The following REG4 variants were observed in gnomAD, a reference collection of about 807,000 sequenced individuals.
REG4 encodes regenerating family member 4.
REG4 carries 16 observed loss-of-function variants against 22.3 expected under a neutral mutation model. The observed-to-expected ratio is 0.72, with a 90% CI of 0.49 to 1.09. The LOEUF (loss-of-function observed/expected upper bound fraction) is 1.09. Among genes scored for constraint, REG4 ranks in the 50% least tolerant of loss-of-function variants. The pLI, the probability that REG4 is intolerant of heterozygous loss-of-function variation, is 0.00. For synonymous variants in REG4, 71 were observed against 69.2 expected, an observed-to-expected ratio of 1.03 and a Z score of -0.13; for missense variants, 214 against 193.9, an observed-to-expected ratio of 1.10 and a Z score of -0.61.
At chr1:119,802,584 A>G (rs2101070533) in intron 3 of REG4, 1 of 1,199,428 alleles carries the variant, frequency 8.3e-7, no homozygotes, top group South Asian at 4.0e-5. Context: ...AATAAAATGG[A>G]CAGGTTTGTG....
chr1:119,806,315 T>G (rs928820420), intron 2 of REG4, among the ~76,000 whole-genome samples: 4 of 152,150 alleles, frequency 2.6e-5, no homozygotes, highest in African/African-American at 9.7e-5. Context: ...ATTCTAATCA[T>G]CTTCATAATA....
At chr1:119,806,727 C>G (rs587709033) in intron 2 of REG4, among the ~76,000 whole-genome samples, 2 of 152,202 alleles carry the variant, frequency 1.3e-5, no homozygotes, top group Middle Eastern at 3.4e-3. Context: ...TGCTAGAGCT[C>G]GTCATCTCTA....
rs587757651 is a variant in REG4 at position 119,810,979 on chromosome 1, G to A, written c.-95+430C>T. 5.9e-5 allele frequency among the ~76,000 whole-genome samples: 9 copies of A among 152,268 alleles called. No homozygotes were observed. The South Asian group carries it at 1.7e-3, about 28-fold the overall frequency. On this transcript the variant is annotated intron_variant, in intron 1 of 5. Coordinates refer to ENST00000256585, the MANE Select transcript of REG4 (RefSeq NM_032044.4). The stretch of plus-strand genomic sequence containing the variant: ...TGAGGCAGGAGAATCACTTGAACCT[G>A]GGAGGCAGAAGTTGCAGTGAGCCAA...
At chr1:119,807,889 A>G (rs916321054) in intron 2 of REG4, among the ~76,000 whole-genome samples, 1 of 152,178 alleles carries the variant, frequency 6.6e-6, no homozygotes, top group African/African-American at 2.4e-5. Context: ...AGTAACAGAT[A>G]GCACTGGTCC....
rs1224423137 is a variant in REG4 at position 119,803,111 on chromosome 1, C to A, written c.122G>T (p.Cys41Phe). 2.6e-6 allele frequency: 4 copies of A among 1,553,408 alleles called. No homozygotes were observed. In the South Asian group the frequency reaches 5.1e-5, roughly 20 times the overall value. The change falls in exon 3 of 6, where the codon TGC becomes TTC. Residue 41 changes from cysteine (C) to phenylalanine (F), a missense_variant. Transcript: ENST00000256585. The stretch of plus-strand genomic sequence containing the variant: ...CCTCAGCTTCCTGAAGTAACCATAG[C>A]AATTGGACTTGTGGTAAAACCATCC... ...APGWFYHKSN[C>F]YGYFRKLRNW...
chr1:119,803,800 T>C (rs1246011912), intron 2 of REG4, among the ~76,000 whole-genome samples: 2 of 152,150 alleles, frequency 1.3e-5, no homozygotes, highest in Admixed American at 1.3e-4. Context: ...GACTGGAACT[T>C]GAGCATAGGT....
intron 1 of REG4, 46 bp downstream of exon 1, chr1:119,811,363 A>G (rs991694610): frequency 6.6e-6 from 1 of 152,218 alleles, no homozygotes; most frequent in African/African-American, 2.4e-5. Context: ...AGAGGAAAAC[A>G]GATGTTTAAA....
At chr1:119,800,659 A>G (rs1654073192) in intron 3 of REG4, among the ~76,000 whole-genome samples, 1 of 152,220 alleles carries the variant, frequency 6.6e-6, no homozygotes, top group African/African-American at 2.4e-5. Flanking sequence ...CACACTGTAA[A>G]TTGTAAACAG....
chr1:119,805,402 C>T (rs1301238849), intron 2 of REG4, among the ~76,000 whole-genome samples: 1 of 152,162 alleles, frequency 6.6e-6, no homozygotes, highest in Non-Finnish European at 1.5e-5. Context: ...ACACCTGGTG[C>T]TCCTGGTTTG....
chr1:119,803,930 A>G (rs969801372), intron 2 of REG4, among the ~76,000 whole-genome samples: 1 of 152,226 alleles, frequency 6.6e-6, no homozygotes, highest in Non-Finnish European at 1.5e-5. Context: ...CTGTCAGGCA[A>G]CCATGGCAGA....
At chr1:119,808,580 C>G (rs1654397225) in intron 2 of REG4, 123 bp downstream of exon 2, 1 of 669,290 alleles carries the variant, frequency 1.5e-6, no homozygotes, top group Non-Finnish European at 2.6e-6. Context: ...TTTTTCATCT[C>G]CATGTTTAAA....
chr1:119,795,170 C>T (rs963871467), intron 5 of REG4, among the ~76,000 whole-genome samples: 5 of 152,176 alleles, frequency 3.3e-5, no homozygotes, highest in East Asian at 1.9e-4. Context: ...CCTGGAGAAC[C>T]GTAATACAGA....
chr1:119,797,072 T>A (rs1234812656), intron 5 of REG4, among the ~76,000 whole-genome samples: 1 of 152,224 alleles, frequency 6.6e-6, no homozygotes, highest in African/African-American at 2.4e-5. Context: ...GCCTCGCTTC[T>A]AACACTTAAT....
At chr1:119,798,893 A>G (rs1654012767) in intron 4 of REG4, among the ~76,000 whole-genome samples, 1 of 152,214 alleles carries the variant, frequency 6.6e-6, no homozygotes, top group African/African-American at 2.4e-5. Context: ...CTGATAGTCA[A>G]ATAAATGACA....
intron 1 of REG4, 194 bp from the exon 2 acceptor site, chr1:119,809,057 G>A (rs1422051905): frequency 3.0e-6 from 1 of 331,186 alleles, no homozygotes; most frequent in Non-Finnish European, 5.5e-6. Flanking sequence ...CAGTGCCAGA[G>A]ATCTAACTAT....
At chr1:119,805,486 C>T (rs1014090905) in intron 2 of REG4, among the ~76,000 whole-genome samples, 5 of 152,270 alleles carry the variant, frequency 3.3e-5, no homozygotes, top group South Asian at 2.1e-4. Flanking sequence ...TCTACCACCA[C>T]GGTCTTTGTT....
intron 3 of REG4, among the ~76,000 whole-genome samples, chr1:119,800,885 G>T (rs1039476996): frequency 1.3e-5 from 2 of 152,184 alleles, no homozygotes; most frequent in African/African-American, 4.8e-5. Context: ...ACTAGAGGCA[G>T]ATATGTAACT....
intron 1 of REG4, among the ~76,000 whole-genome samples, chr1:119,810,433 T>C (rs1326896673): frequency 6.6e-6 from 1 of 152,182 alleles, no homozygotes; most frequent in Non-Finnish European, 1.5e-5. Context: ...AATGATGACT[T>C]TTCTGGAAAA....
In REG4 at chr1:119,808,743, G is replaced by A. The variant is rs1227411226; in HGVS notation, c.27C>T (p.Leu9=). 7.4e-6 allele frequency: 12 copies of A among 1,613,846 alleles called. No homozygotes were observed. The highest frequency in any genetic ancestry group is 9.3e-6 in the Non-Finnish European group (11 of 1,179,914). Reference sequence around the variant, plus strand: ...TTTTGGCCAGGCAGCTCAGCAATAGGAGCAGCCGCATGCTTCTGGAAGCCA... The same window carrying A: ...TTTTGGCCAGGCAGCTCAGCAATAGAAGCAGCCGCATGCTTCTGGAAGCCA... MASRSMRL[L]LLLSCLAKTG... The change falls in exon 2 of 6, where the codon CTC becomes CTT. Residue 9 remains leucine, a synonymous_variant. Transcript: ENST00000256585.
Sources: gnomAD v4.1 joint callset for allele counts (sites outside exome capture counted in the v4.1 genomes callset) on GRCh38, gnomAD v4.1.1 for gene constraint, MANE v1.5 for transcripts, NCBI Gene and HGNC (gene_info 2026-07-23, HGNC 2026-07-21) for gene names.